The following CMSS1 variants were observed in gnomAD, a reference collection of about 807,000 sequenced individuals.
The protein encoded by CMSS1 is cms1 ribosomal small subunit homolog.
Under a neutral mutation model 43.5 loss-of-function variants are expected in CMSS1, and 33 were observed. The ratio of observed to expected loss-of-function variants is 0.76; its 90% CI spans 0.57 to 1.01. CMSS1 has a LOEUF of 1.01. CMSS1 is among the 50% of genes least tolerant of loss of function. The pLI is 0.00. For missense variants in CMSS1, 313 were observed against 326.4 expected (o/e 0.96, Z 0.32); for synonymous variants, 115 against 117.2 (o/e 0.98, Z 0.12).
chr3:100,048,985 C>T (rs2065324340), intron 1 of CMSS1, among the ~76,000 whole-genome samples: 1 of 152,056 alleles, frequency 6.6e-6, no homozygotes, highest in South Asian at 2.1e-4. Flanking sequence ...ATTTTCAAAC[C>T]TAATGGATTA....
At chr3:100,041,405 G>A (rs532652330) in intron 1 of CMSS1, 8 of 152,142 alleles carry the variant, frequency 5.3e-5, no homozygotes, top group East Asian at 1.9e-4. Flanking sequence ...GATTTACTGC[G>A]TCTTTGTTCC....
chr3:99,819,963 C>G (rs1191697617), intron 1 of CMSS1, among the ~76,000 whole-genome samples: 1 of 151,772 alleles, frequency 6.6e-6, no homozygotes, highest in African/African-American at 2.4e-5. Flanking sequence ...CCATGTTGGC[C>G]AGGCTGGTCT....
At chr3:100,117,883 A>ATATATATATATATATACACACC (rs2066589682) in intron 1 of CMSS1, among the ~76,000 whole-genome samples, 1 of 143,002 alleles carries the variant, frequency 7.0e-6, no homozygotes, top group Admixed American at 7.0e-5. Flanking sequence ...ATATATACAC[A>ATATATATATATATATACACACC]TACAATGGAG....
At chr3:100,026,318 A>C (rs2064920357) in intron 1 of CMSS1, among the ~76,000 whole-genome samples, 1 of 152,128 alleles carries the variant, frequency 6.6e-6, no homozygotes, top group Non-Finnish European at 1.5e-5. Context: ...CAGGGATCCT[A>C]AACTCAAGCT....
Position 99,817,945 on chromosome 3 carries a change from C to G in CMSS1, c.-35C>G, listed in dbSNP as rs1942353742. Reference sequence around the variant, plus strand: ...GATTCTCCGCAGCTGGTCGCCTACCCGTGATGTTCTGCCCACGTCGAGACC... The same window carrying G: ...GATTCTCCGCAGCTGGTCGCCTACCGGTGATGTTCTGCCCACGTCGAGACC... On this transcript the variant is annotated 5_prime_UTR_variant, in exon 1 of 10. Transcript: ENST00000421999. 6.2e-7 allele frequency: 1 copy of G among 1,610,110 alleles called. No individual in the cohort carries two copies. Among genetic ancestry groups the G allele is most frequent in the East Asian group, 2.2e-5 (1 of 44,842 alleles).
intron 2 of CMSS1, among the ~76,000 whole-genome samples, chr3:100,148,362 G>A (rs2066872677): frequency 6.6e-6 from 1 of 152,202 alleles, no homozygotes; most frequent in African/African-American, 2.4e-5. Context: ...TTACAGGCAT[G>A]AGCCGCAGTG....
intron 1 of CMSS1, among the ~76,000 whole-genome samples, chr3:100,029,551 G>A (rs1262836058): frequency 6.6e-6 from 1 of 152,174 alleles, no homozygotes; most frequent in Non-Finnish European, 1.5e-5. Context: ...ATTAATTGGA[G>A]TTTATTAAAG....
At chr3:99,999,687 T>C (rs1260799223) in intron 1 of CMSS1, among the ~76,000 whole-genome samples, 1 of 152,182 alleles carries the variant, frequency 6.6e-6, no homozygotes, top group Non-Finnish European at 1.5e-5. Flanking sequence ...GGTTCATTGC[T>C]TTATGATTTG....
chr3:100,054,490 T>TTGTTA (rs10668094), intron 1 of CMSS1, among the ~76,000 whole-genome samples: 21,377 of 146,058 alleles, frequency 0.15, 1,618 homozygotes, highest in Middle Eastern at 0.19. Flanking sequence ...ATGTTATGTT[T>TTGTTA]TGTTATGTTA....
rs534877779 is a variant in CMSS1 at position 99,866,171 on chromosome 3, G to T, written c.64+48128G>T. Among the ~76,000 whole-genome samples, 116 of 144,028 alleles carry T rather than the reference G, an allele frequency of 8.1e-4. 3 individuals are homozygous for T. The East Asian group carries it at 0.023, about 28-fold the overall frequency. The allele number at this position is 144,028 out of a possible 152,430, so 94.5% of individuals were successfully genotyped here. On this transcript the variant is annotated intron_variant, in intron 1 of 9. Coordinates refer to ENST00000421999, the MANE Select transcript of CMSS1 (RefSeq NM_032359.4). ...AAGTTAAAACTTTTTTTAAGCCTGTGTTTTTTTTTTTAAAGGCTTTCCTTT... is the reference window on the plus strand; with the variant it reads ...AAGTTAAAACTTTTTTTAAGCCTGTTTTTTTTTTTTTAAAGGCTTTCCTTT...
At chr3:99,930,425 TG>T (rs1707440630) in intron 1 of CMSS1, among the ~76,000 whole-genome samples, 1 of 152,174 alleles carries the variant, frequency 6.6e-6, no homozygotes. Flanking sequence ...CCAGTTCACT[TG>T]GGGTACAAAA....
intron 2 of CMSS1, among the ~76,000 whole-genome samples, chr3:100,157,682 G>A (rs1161842047): frequency 6.6e-6 from 1 of 152,186 alleles, no homozygotes; most frequent in African/African-American, 2.4e-5. Flanking sequence ...CTCAGCCTCT[G>A]CCCTTTCTCC....
At chr3:100,036,726 A>G (rs1337465854) in intron 1 of CMSS1, among the ~76,000 whole-genome samples, 2 of 152,182 alleles carry the variant, frequency 1.3e-5, no homozygotes, top group Non-Finnish European at 2.9e-5. Flanking sequence ...AGAATTTTCC[A>G]CAAATTACTT....
intron 1 of CMSS1, among the ~76,000 whole-genome samples, chr3:99,958,225 A>G (rs1708392980): frequency 1.4e-5 from 2 of 145,676 alleles, no homozygotes; most frequent in South Asian, 2.1e-4. Flanking sequence ...TATTATTATT[A>G]TTATTATTAT....
At chr3:100,145,207 G>A (rs747998324) in intron 1 of CMSS1, among the ~76,000 whole-genome samples, 26 of 152,160 alleles carry the variant, frequency 1.7e-4, no homozygotes, top group Admixed American at 4.6e-4. Flanking sequence ...TTGAGAGGCC[G>A]AGGCAGGCGG....
At chr3:99,968,978 T>A (rs201110755) in intron 1 of CMSS1, among the ~76,000 whole-genome samples, 1 of 140,486 alleles carries the variant, frequency 7.1e-6, no homozygotes, top group Non-Finnish European at 1.6e-5. Flanking sequence ...GAAAAAAAAA[T>A]TCATTTGATA....
rs1257358489 is a variant in CMSS1, at chr3:100,178,460, C to T, written c.*72C>T. 1.1e-6 allele frequency: 1 copy of T among 889,652 alleles called. No individual in the cohort carries two copies. 55.1% of individuals were successfully genotyped at this position (889,652 alleles called of 1,614,324 possible). ...CTTATTTAATGACTCTGATACATTG[C>T]AAGCACTCAGTAAATATCAGCAAAT... On this transcript the variant is annotated 3_prime_UTR_variant, in exon 10 of 10. Coordinates refer to ENST00000421999, the MANE Select transcript of CMSS1 (RefSeq NM_032359.4).
chr3:99,887,279 A>C lies in CMSS1; in HGVS notation c.64+69236A>C, dbSNP rs1705932321. ...CAAAACTCCATCTCAAAAAAAAAAAAAGTATCAGGCTTAGAAATATCTGGT... is the reference window on the plus strand; with the variant it reads ...CAAAACTCCATCTCAAAAAAAAAAACAGTATCAGGCTTAGAAATATCTGGT... On this transcript the variant is annotated intron_variant, in intron 1 of 9. Transcript: ENST00000421999. Among the ~76,000 whole-genome samples, 4 of 152,158 alleles carry C rather than the reference A, an allele frequency of 2.6e-5. No homozygotes were observed. The South Asian group carries it at 8.3e-4, about 32-fold the overall frequency.
chr3:99,960,991 G>A (rs564199906), intron 1 of CMSS1, among the ~76,000 whole-genome samples: 59 of 152,268 alleles, frequency 3.9e-4, no homozygotes, highest in African/African-American at 1.3e-3. Flanking sequence ...GTGTGCATGC[G>A]TGTGTGCAGA....
Sources: gnomAD v4.1 joint callset for allele counts (sites outside exome capture counted in the v4.1 genomes callset) on GRCh38, gnomAD v4.1.1 for gene constraint, MANE v1.5 for transcripts, NCBI Gene and HGNC (gene_info 2026-07-23, HGNC 2026-07-21) for gene names.